MYOCD: variants seen among roughly 807,000 people sequenced by gnomAD.
MYOCD encodes the protein myocardin.
In MYOCD, 32 loss-of-function variants were observed where a neutral mutation model predicts 96.1. That is an observed-to-expected ratio of 0.33 (90% CI 0.25 to 0.45). The LOEUF is 0.45. Ranked by LOEUF, MYOCD falls within the 20% of genes least tolerant of loss-of-function variation. The probability of loss-of-function intolerance (pLI) is 1.00; values close to 1 mark genes in which losing one functional copy is unlikely to be tolerated. For synonymous variants in MYOCD, 469 were observed against 469.0 expected, an observed-to-expected ratio of 1.00 and a Z score of 0.00; for missense variants, 1,133 against 1,200.6, an observed-to-expected ratio of 0.94 and a Z score of 0.83.
At chr17:12,731,094 A>T (rs1478177924) in intron 5 of MYOCD, among the ~76,000 whole-genome samples, 1 of 152,152 alleles carries the variant, frequency 6.6e-6, no homozygotes, top group Non-Finnish European at 1.5e-5. Context: ...GGTCCTTGTC[A>T]TCACAGCCCC....
Position 12,753,170 on chromosome 17 carries a change from T to C in MYOCD, c.1882T>C (p.Phe628Leu), listed in dbSNP as rs1325619608. ...TCAAACCAATGTACTTTCTTCCACA[T>C]TTCTCAGCCCCCAGTGTTCCCCTCA... ...SDQTNVLSST[F>L]LSPQCSPQHS... Residue 628 changes from phenylalanine to leucine, a missense_variant, in exon 10 of 14, where the codon TTT (phenylalanine) becomes CTT (leucine). Phe to Leu is a conservative substitution (Grantham distance 22). Transcript: ENST00000425538. 1 of 1,614,098 alleles carries C rather than the reference T, an allele frequency of 6.2e-7. No individual in the cohort carries two copies. Among genetic ancestry groups the C allele is most frequent in the Non-Finnish European group, 8.5e-7 (1 of 1,180,050 alleles).
chr17:12,674,749 C>T (rs72811265), intron 1 of MYOCD, among the ~76,000 whole-genome samples: 12,950 of 152,126 alleles, frequency 0.085, 591 homozygotes, highest in Middle Eastern at 0.17. Context: ...AATTGACTAT[C>T]TCTTTGGAAA....
chr17:12,747,701 C>T (rs1220438130), intron 9 of MYOCD, among the ~76,000 whole-genome samples: 2 of 151,868 alleles, frequency 1.3e-5, no homozygotes, highest in Non-Finnish European at 2.9e-5. Context: ...AAGGTGACCC[C>T]GCTAATAGTA....
rs1424798901 is a variant in MYOCD at position 12,673,128 on chromosome 17, A to C, written c.55+6885A>C. 3.3e-5 allele frequency among the ~76,000 whole-genome samples: 5 copies of C among 152,098 alleles called. No homozygotes were observed. The East Asian group carries it at 9.7e-4, about 29-fold the overall frequency. On this transcript the variant is annotated intron_variant, in intron 1 of 13. Coordinates refer to ENST00000425538, the MANE Select transcript of MYOCD (RefSeq NM_001146312.3). ...TATTTCCGGAAACACTCTCCTTAGG[A>C]AGCCAATCTTGTTTTCTGCTGACTG...
intron 7 of MYOCD, among the ~76,000 whole-genome samples, chr17:12,739,985 G>C (rs1227012360): frequency 5.9e-5 from 9 of 151,894 alleles, no homozygotes; most frequent in Non-Finnish European, 1.3e-4. Flanking sequence ...GCCCAGGTTG[G>C]AATACAGTGG....
chr17:12,726,243 A>G (rs567037172), intron 5 of MYOCD, among the ~76,000 whole-genome samples: 4 of 152,316 alleles, frequency 2.6e-5, no homozygotes, highest in Non-Finnish European at 5.9e-5. Flanking sequence ...TTAAGGGAGC[A>G]GATAATAAAT....
intron 9 of MYOCD, among the ~76,000 whole-genome samples, chr17:12,750,092 C>G (rs1223614377): frequency 6.6e-6 from 1 of 152,070 alleles, no homozygotes; most frequent in Admixed American, 6.5e-5. Context: ...CCGCCTCGGC[C>G]TCCCAAAGTT....
At chr17:12,728,242 G>A (rs1213714098) in intron 5 of MYOCD, among the ~76,000 whole-genome samples, 1 of 152,164 alleles carries the variant, frequency 6.6e-6, no homozygotes, top group Admixed American at 6.5e-5. Context: ...TAATTCTCTC[G>A]CTGGTCATCA....
At chr17:12,684,761 G>A (rs1597732908) in intron 1 of MYOCD, among the ~76,000 whole-genome samples, 2 of 150,578 alleles carry the variant, frequency 1.3e-5, no homozygotes, top group African/African-American at 2.4e-5. Flanking sequence ...CAGGAGAATC[G>A]CTTGAACCTG....
intron 4 of MYOCD, among the ~76,000 whole-genome samples, chr17:12,719,203 A>AAAAAAAAAAAAAAAAAAAAC (rs2031746042): frequency 1.4e-5 from 2 of 147,988 alleles, no homozygotes; most frequent in African/African-American, 2.5e-5. Flanking sequence ...AAAAAAAAAA[A>AAAAAAAAAAAAAAAAAAAAC]AGACATACAG....
At chr17:12,718,677 G>C (rs2031721880) in intron 4 of MYOCD, among the ~76,000 whole-genome samples, 1 of 152,174 alleles carries the variant, frequency 6.6e-6, no homozygotes, top group African/African-American at 2.4e-5. Flanking sequence ...TCAAGGGAAG[G>C]CTGTGTGGGA....
chr17:12,698,660 G>C (rs2150666101), intron 1 of MYOCD, among the ~76,000 whole-genome samples: 1 of 149,640 alleles, frequency 6.7e-6, no homozygotes, highest in Non-Finnish European at 1.5e-5. Flanking sequence ...GTATGGAAAT[G>C]AGTGATGTCA....
In MYOCD at chr17:12,739,727, T is replaced by G. The variant is rs549964639; in HGVS notation, c.717+399T>G. Among the ~76,000 whole-genome samples the G allele has an allele frequency of 4.5e-4, 68 of 152,346 alleles. No individual in the cohort carries two copies. The East Asian group carries it at 6.2e-3, about 14-fold the overall frequency. ...GTAGCCCTGAAAAGCTTGCATAACG[T>G]AAAACTTACATCATTCAAGCCAGTC... On this transcript the variant is annotated intron_variant, in intron 7 of 13. Coordinates refer to ENST00000425538, the MANE Select transcript of MYOCD (RefSeq NM_001146312.3).
intron 5 of MYOCD, 58 bp downstream of exon 5, chr17:12,723,066 G>A (rs889505314): frequency 2.4e-5 from 37 of 1,529,404 alleles, no homozygotes; most frequent in African/African-American, 2.2e-4. Context: ...AGGGCAGCCC[G>A]GAGCTCTGAC....
At chr17:12,739,366 T>C (rs767361682) in intron 7 of MYOCD, 38 bp downstream of exon 7, 1 of 1,504,054 alleles carries the variant, frequency 6.6e-7, no homozygotes, top group Non-Finnish European at 8.9e-7. Flanking sequence ...GCCTGAGCGC[T>C]CGGCTCACAG....
rs373046978 is a variant in MYOCD at position 12,705,191 on chromosome 17, C to T, written c.119C>T (p.Pro40Leu). 5.0e-6 allele frequency: 8 copies of T among 1,609,042 alleles called. No homozygotes were observed. The highest frequency in any genetic ancestry group is 6.8e-6 in the Non-Finnish European group (8 of 1,175,672). The part of the protein sequence containing the change: ...QEQLANQGII[P>L]PLKRPAEFHE... ...CAACTGGCTAACCAAGGCATAATAC[C>T]ACGTGAGTACCTGCATCTCTTAATT... Residue 40 changes from proline to leucine, a missense_variant and splice_region_variant, in exon 2 of 14, where the codon CCA (proline) becomes CTA (leucine). Transcript: ENST00000425538.
intron 5 of MYOCD, among the ~76,000 whole-genome samples, chr17:12,723,856 G>A (rs540093602): frequency 7.2e-5 from 11 of 152,184 alleles, no homozygotes; most frequent in Non-Finnish European, 1.6e-4. Flanking sequence ...AAAAGTAGGT[G>A]TAAGGGCATT....
At chr17:12,714,945 G>A (rs955651073) in intron 2 of MYOCD, among the ~76,000 whole-genome samples, 2 of 152,158 alleles carry the variant, frequency 1.3e-5, no homozygotes, top group African/African-American at 4.8e-5. Flanking sequence ...CACGGTTGGA[G>A]TTAACTTCCC....
intron 4 of MYOCD, among the ~76,000 whole-genome samples, chr17:12,719,174 CAAAAAAAAAA>C (rs71144920): frequency 0.011 from 558 of 49,158 alleles, 9 homozygotes; most frequent in Middle Eastern, 0.027. Flanking sequence ...GACTCTGTCT[CAAAAAAAAAA>C]AAAAAAAAAA....
Sources: allele counts gnomAD v4.1 joint callset (sites outside exome capture counted in the v4.1 genomes callset), GRCh38; gene constraint gnomAD v4.1.1; transcripts MANE v1.5; gene names NCBI Gene and HGNC (gene_info 2026-07-23, HGNC 2026-07-21).